JAKMIP1: variants seen among roughly 807,000 people sequenced by gnomAD.
JAKMIP1 encodes the protein janus kinase and microtubule interacting protein 1, also known as janus kinase and microtubule-interacting protein 1.
A neutral mutation model predicts 113.0 loss-of-function variants in JAKMIP1; 33 were observed. The observed-to-expected ratio is 0.29, with a 90% CI of 0.22 to 0.39. The LOEUF is 0.39. Among genes scored for constraint, JAKMIP1 ranks in the 10% least tolerant of loss-of-function variants. The pLI, the probability that JAKMIP1 is intolerant of heterozygous loss-of-function variation, is 1.00. For missense variants in JAKMIP1, 813 were observed against 1,080.5 expected, an observed-to-expected ratio of 0.75 and a Z score of 3.47; for synonymous variants, 480 against 459.9, an observed-to-expected ratio of 1.04 and a Z score of -0.56.
chr4:6,052,857 T>G (rs1289172032), intron 13 of JAKMIP1, among the ~76,000 whole-genome samples: 1 of 152,020 alleles, frequency 6.6e-6, no homozygotes, highest in East Asian at 1.9e-4. Context: ...GTCGCACAAA[T>G]AAAATGCTCA....
rs1176427363 is a variant in JAKMIP1, at chr4:6,069,055, A to G, written c.1303-4047T>C. ...AATAAAAAATAGAAACAATATATTA[A>G]TGTTTAAAGTAAAAACACAGTGGCT... On this transcript the variant is annotated intron_variant, in intron 8 of 20. Transcript: ENST00000409021. This position sits in a 1 kb window ranked among gnomAD's most constrained non-coding sequence, Gnocchi z 4.5. 2.6e-5 allele frequency among the ~76,000 whole-genome samples: 4 copies of G among 152,216 alleles called. No individual in the cohort carries two copies. The highest frequency in any genetic ancestry group is 4.8e-5 in the African/African-American group (2 of 41,450).
chr4:6,065,103 G>C lies in JAKMIP1; in HGVS notation c.1303-95C>G. ...GGGCATGCCAGTGCAGGGGGGTGAT[G>C]ATTGACATTTGGGCCACTGGGGCAT... On this transcript the variant is annotated intron_variant, in intron 8 of 20. Transcript: ENST00000409021. The surrounding 1 kb of genome is among the most constrained non-coding windows in gnomAD (Gnocchi z 5.1). 3.3e-6 allele frequency: 5 copies of C among 1,494,090 alleles called. No homozygotes were observed. The highest frequency in any genetic ancestry group is 1.8e-6 in the Non-Finnish European group (2 of 1,083,734). The allele number at this position is 1,494,090 out of a possible 1,614,324, so 92.6% of individuals were successfully genotyped here.
intron 2 of JAKMIP1, among the ~76,000 whole-genome samples, chr4:6,111,506 G>A (rs1056266599): frequency 3.3e-5 from 5 of 152,200 alleles, no homozygotes; most frequent in African/African-American, 1.2e-4. Context: ...GCTTTTTATT[G>A]CATCCATTAA....
Position 6,049,909 on chromosome 4 carries a change from TAC to T in JAKMIP1, c.1909-39_1909-38del, listed in dbSNP as rs776243686. 9 of 1,480,408 alleles carry T rather than the reference TAC, an allele frequency of 6.1e-6. No individual in the cohort carries two copies. Among genetic ancestry groups the T allele is most frequent in the African/African-American group, 4.1e-5 (3 of 72,312 alleles). The allele number at this position is 1,480,408 out of a possible 1,614,324, so 91.7% of individuals were successfully genotyped here. On this transcript the variant is annotated intron_variant, in intron 14 of 20. Transcript: ENST00000409021. The surrounding 1 kb of genome is among the most constrained non-coding windows in gnomAD (Gnocchi z 7.0). ...TTCCAACGTTCATTTTTGTGTGAGC[TAC>T]AGAGACCAACCATACCAATTTCTAG...
intron 3 of JAKMIP1, among the ~76,000 whole-genome samples, chr4:6,092,809 G>A (rs999754659): frequency 2.6e-5 from 4 of 152,174 alleles, no homozygotes; most frequent in Non-Finnish European, 4.4e-5. Context: ...CCAGATTCAG[G>A]TGCAGGGGCC....
chr4:6,042,078 A>G lies in JAKMIP1; in HGVS notation c.2097+81T>C, dbSNP rs538637643. The G allele has an allele frequency of 6.2e-6, 7 of 1,136,276 alleles. No homozygotes were observed. In the African/African-American group the frequency reaches 1.1e-4, roughly 18 times the overall value. 70.4% of individuals were successfully genotyped at this position (1,136,276 alleles called of 1,614,324 possible). A position where few individuals can be genotyped will look rare whatever the true frequency, so the allele number is the denominator to read the frequency against. On this transcript the variant is annotated intron_variant, in intron 17 of 20. Transcript: ENST00000409021. This position sits in a 1 kb window ranked among gnomAD's most constrained non-coding sequence, Gnocchi z 5.2. ...AATGCATGCAAATCATTAGGAAAAC[A>G]CATGCAAAGCCTTCCTGCAAATCAA...
chr4:6,084,986 A>G, intron 4 of JAKMIP1, 21 bp from the exon 5 acceptor site: 1 of 1,550,470 alleles, frequency 6.4e-7, no homozygotes, highest in Non-Finnish European at 8.6e-7. Context: ...AAAAAAAAAA[A>G]AAAAAAAAGT....
At chr4:6,095,822 G>C (rs931664056) in intron 3 of JAKMIP1, among the ~76,000 whole-genome samples, 1 of 152,172 alleles carries the variant, frequency 6.6e-6, no homozygotes, top group African/African-American at 2.4e-5. Flanking sequence ...CACAGGCTCT[G>C]GGCTTTCACA....
rs575682465 is a variant in JAKMIP1, at chr4:6,144,632, T to C, written c.-147-31635A>G. Among the ~76,000 whole-genome samples, 23 of 152,350 alleles carry C rather than the reference T, an allele frequency of 1.5e-4. No homozygotes were observed. In the East Asian group the frequency reaches 4.4e-3, roughly 29 times the overall value. Reference sequence around the variant, plus strand: ...GATGGAATAAAGGATAAAAACCACATGACCAGTAAATAGGTACAAAAAAGA... The same window carrying C: ...GATGGAATAAAGGATAAAAACCACACGACCAGTAAATAGGTACAAAAAAGA... On this transcript the variant is annotated intron_variant, in intron 1 of 20. Transcript: ENST00000409021.
In JAKMIP1 at chr4:6,051,376, C is replaced by T. The variant is rs1477237934; in HGVS notation, c.1807-697G>A. ...TAGCTGGGATTACAGGCACGCGCCA[C>T]CACACCGGGCTAATTTTGTATTTAG... is the stretch of plus-strand genomic sequence containing the variant. On this transcript the variant is annotated intron_variant, in intron 13 of 20. Coordinates refer to ENST00000409021, the MANE Select transcript of JAKMIP1 (RefSeq NM_001099433.2). The surrounding 1 kb of genome is among the most constrained non-coding windows in gnomAD (Gnocchi z 5.0). Among the ~76,000 whole-genome samples the T allele has an allele frequency of 6.6e-6, 1 of 152,172 alleles. No individual in the cohort carries two copies. The highest frequency in any genetic ancestry group is 1.5e-5 in the Non-Finnish European group (1 of 68,036).
intron 3 of JAKMIP1, among the ~76,000 whole-genome samples, chr4:6,098,726 GAAAGAAAGAGAA>G (rs1712462182): frequency 3.3e-4 from 4 of 12,046 alleles, no homozygotes; most frequent in African/African-American, 8.6e-4. Flanking sequence ...GAAAGAAAAA[GAAAGAAAGAGAA>G]GGAAGGAAGG....
At chr4:6,090,063 A>G (rs1038471495) in intron 3 of JAKMIP1, among the ~76,000 whole-genome samples, 5 of 152,064 alleles carry the variant, frequency 3.3e-5, no homozygotes, top group African/African-American at 9.7e-5. Flanking sequence ...CTCTCCTAAA[A>G]ATACAAAAAT....
rs1429947002 is a variant in JAKMIP1 at position 6,139,081 on chromosome 4, C to CAT, written c.-147-26085_-147-26084insAT. 2.7e-5 allele frequency among the ~76,000 whole-genome samples: 1 copy of CAT among 37,466 alleles called. No individual in the cohort carries two copies. Among genetic ancestry groups the CAT allele is most frequent in the Non-Finnish European group, 8.4e-5 (1 of 11,868 alleles). 24.6% of individuals were successfully genotyped at this position (37,466 alleles called of 152,430 possible). Reference sequence around the variant, plus strand: ...ACACACACACACACACACACACACACACATATACACACACACACACACACC... The same window carrying CAT: ...ACACACACACACACACACACACACACATACATATACACACACACACACACACC... On this transcript the variant is annotated intron_variant, in intron 1 of 20. Coordinates refer to ENST00000409021, the MANE Select transcript of JAKMIP1 (RefSeq NM_001099433.2). The surrounding 1 kb of genome is among the most constrained non-coding windows in gnomAD (Gnocchi z 5.2).
intron 12 of JAKMIP1, among the ~76,000 whole-genome samples, chr4:6,055,611 G>A (rs1009221092): frequency 6.6e-6 from 1 of 152,200 alleles, no homozygotes; most frequent in Non-Finnish European, 1.5e-5. Context: ...CAGCAGAGGC[G>A]GCCTGGAGCC....
chr4:6,177,396 C>T (rs1487658562), intron 1 of JAKMIP1, among the ~76,000 whole-genome samples: 1 of 152,144 alleles, frequency 6.6e-6, no homozygotes, highest in Non-Finnish European at 1.5e-5. Flanking sequence ...TACTCTGGGC[C>T]TCAAACTTAG....
intron 3 of JAKMIP1, among the ~76,000 whole-genome samples, chr4:6,101,536 C>T (rs892949927): frequency 2.0e-5 from 3 of 152,046 alleles, no homozygotes; most frequent in Admixed American, 1.3e-4. Context: ...TGTGATTCCA[C>T]ATCCTTTCAA....
chr4:6,027,082 A>T (rs960705687), intron 20 of JAKMIP1, among the ~76,000 whole-genome samples: 3 of 152,090 alleles, frequency 2.0e-5, no homozygotes, highest in Non-Finnish European at 4.4e-5. Context: ...AGAAAAAAAA[A>T]ATCAGGGAAA....
At chr4:6,068,473 C>A (rs781591814) in intron 8 of JAKMIP1, among the ~76,000 whole-genome samples, 6 of 152,044 alleles carry the variant, frequency 3.9e-5, no homozygotes, top group Non-Finnish European at 8.8e-5. Flanking sequence ...AGGCACGGCA[C>A]ACACAGAGTT....
chr4:6,145,085 T>C (rs1336405828), intron 1 of JAKMIP1, among the ~76,000 whole-genome samples: 1 of 152,142 alleles, frequency 6.6e-6, no homozygotes, highest in Non-Finnish European at 1.5e-5. Flanking sequence ...ACGCTGGCAA[T>C]GAACAACGTG....
Sources: allele counts gnomAD v4.1 joint callset (sites outside exome capture counted in the v4.1 genomes callset), GRCh38; gene constraint gnomAD v4.1.1; non-coding constraint Gnocchi (gnomAD v3.1); transcripts MANE v1.5; gene names NCBI Gene and HGNC (gene_info 2026-07-23, HGNC 2026-07-21).